The following ARHGAP26 variants were observed in gnomAD, a reference collection of about 807,000 sequenced individuals.
The protein encoded by ARHGAP26 is rho GTPase-activating protein 26.
Under a neutral mutation model 104.8 loss-of-function variants are expected in ARHGAP26, and 38 were observed. That is an observed-to-expected ratio of 0.36 (90% CI 0.28 to 0.48). ARHGAP26 has a LOEUF of 0.48. ARHGAP26 is among the 20% of genes least tolerant of loss of function. ARHGAP26 has a pLI of 0.99. For missense variants in ARHGAP26, 704 were observed against 947.9 expected, an observed-to-expected ratio of 0.74 and a Z score of 3.38; for synonymous variants, 341 against 340.0, an observed-to-expected ratio of 1.00 and a Z score of -0.03.
At chr5:143,181,092 C>T (rs779932956) in intron 20 of ARHGAP26, among the ~76,000 whole-genome samples, 3 of 152,240 alleles carry the variant, frequency 2.0e-5, no homozygotes, top group Non-Finnish European at 2.9e-5. Flanking sequence ...CTGCCACCAC[C>T]TCAGCCCAAG....
At chr5:143,079,191 A>G (rs575420224) in intron 17 of ARHGAP26, among the ~76,000 whole-genome samples, 11 of 152,356 alleles carry the variant, frequency 7.2e-5, no homozygotes, top group African/African-American at 2.6e-4. Flanking sequence ...TGGAAATGGT[A>G]GAGGGATGGG....
intron 14 of ARHGAP26, among the ~76,000 whole-genome samples, chr5:143,043,938 A>G (rs1001485719): frequency 6.6e-6 from 1 of 152,222 alleles, no homozygotes; most frequent in Non-Finnish European, 1.5e-5. Flanking sequence ...TGGCTACAGC[A>G]AAGGGTATTG....
chr5:143,216,181 C>T (rs1810325443), intron 22 of ARHGAP26: 1 of 470,946 alleles, frequency 2.1e-6, no homozygotes, highest in African/African-American at 2.0e-5. Context: ...TCCTTTTTTT[C>T]CCCAGCAGAG....
At chr5:142,867,659 A>C (rs1165543498) in intron 1 of ARHGAP26, among the ~76,000 whole-genome samples, 1 of 152,080 alleles carries the variant, frequency 6.6e-6, no homozygotes, top group Non-Finnish European at 1.5e-5. Context: ...TATGTAGCTC[A>C]TTTCTCCAGC....
chr5:142,777,247 A>G (rs1756508231), intron 1 of ARHGAP26, among the ~76,000 whole-genome samples: 1 of 152,184 alleles, frequency 6.6e-6, no homozygotes, highest in Admixed American at 6.6e-5. Flanking sequence ...AGGAATTAGG[A>G]AGTGGTTCTT....
chr5:142,868,349 C>A (rs1432642683), intron 1 of ARHGAP26, among the ~76,000 whole-genome samples: 2 of 152,076 alleles, frequency 1.3e-5, no homozygotes, highest in African/African-American at 4.8e-5. Context: ...GCCTCTCAGG[C>A]CTTGGGAGGG....
At chr5:143,075,618 T>C (rs1788884815) in intron 17 of ARHGAP26, among the ~76,000 whole-genome samples, 1 of 152,194 alleles carries the variant, frequency 6.6e-6, no homozygotes, top group African/African-American at 2.4e-5. Flanking sequence ...GTGATTTCTA[T>C]TTACACTAAA....
rs528981563 is a variant in ARHGAP26 at position 143,203,674 on chromosome 5, A to G, written c.1989-3524A>G. The G allele has an allele frequency of 2.0e-5, 3 of 152,346 alleles. No homozygotes were observed. In the East Asian group the frequency reaches 5.8e-4, roughly 29 times the overall value. 9.4% of individuals were successfully genotyped at this position (152,346 alleles called of 1,614,324 possible). ...ATAGCAAAGACTTGGAACCAACCCAAATGCCCATCAGTGATAGACTGGATA... is the reference window on the plus strand; with the variant it reads ...ATAGCAAAGACTTGGAACCAACCCAGATGCCCATCAGTGATAGACTGGATA... On this transcript the variant is annotated intron_variant, in intron 20 of 22. Coordinates refer to ENST00000645722, the MANE Select transcript of ARHGAP26 (RefSeq NM_001135608.3).
chr5:142,986,159 G>C (rs245726), intron 11 of ARHGAP26, among the ~76,000 whole-genome samples: 39,188 of 151,902 alleles, frequency 0.26, 5,434 homozygotes, highest in East Asian at 0.47. Context: ...CACATCCTCT[G>C]CAGCACCTGT....
At chr5:143,102,185 C>T (rs77399089) in intron 17 of ARHGAP26, among the ~76,000 whole-genome samples, 1,592 of 152,246 alleles carry the variant, frequency 0.01, 34 homozygotes, top group East Asian at 0.086. Flanking sequence ...GTACAGTGCG[C>T]GCCTGGCTGG....
intron 6 of ARHGAP26, among the ~76,000 whole-genome samples, chr5:142,900,676 A>C (rs1760193472): frequency 6.6e-6 from 1 of 152,266 alleles, no homozygotes; most frequent in East Asian, 1.9e-4. Context: ...AAGGAGAGTT[A>C]GTTAGGTGAA....
intron 1 of ARHGAP26, among the ~76,000 whole-genome samples, chr5:142,848,343 C>T (rs1353916491): frequency 2.0e-5 from 3 of 152,242 alleles, no homozygotes; most frequent in African/African-American, 7.2e-5. Flanking sequence ...CATCACTCCC[C>T]GGGGTCTTTT....
At chr5:143,062,151 G>T (rs562965761) in intron 17 of ARHGAP26, among the ~76,000 whole-genome samples, 1 of 152,314 alleles carries the variant, frequency 6.6e-6, no homozygotes, top group South Asian at 2.1e-4. Context: ...ACACAATCAA[G>T]ATATATAGGA....
chr5:142,847,094 C>T (rs537115209), intron 1 of ARHGAP26, among the ~76,000 whole-genome samples: 80 of 152,248 alleles, frequency 5.3e-4, no homozygotes, highest in African/African-American at 1.9e-3. Context: ...GGGCAAATCA[C>T]TGTGCCTCTC....
At chr5:142,802,760 C>T (rs1056850019) in intron 1 of ARHGAP26, among the ~76,000 whole-genome samples, 3 of 152,102 alleles carry the variant, frequency 2.0e-5, no homozygotes, top group African/African-American at 7.2e-5. Context: ...CTCAGGGACA[C>T]TAGAGTAGAC....
chr5:142,996,924 T>A (rs1443967904), intron 11 of ARHGAP26, among the ~76,000 whole-genome samples: 1 of 152,158 alleles, frequency 6.6e-6, no homozygotes, highest in East Asian at 1.9e-4. Context: ...TAGAGTAGGC[T>A]ATGGAACTCT....
In ARHGAP26 at chr5:143,110,208, C is replaced by G. The variant is rs372082216; in HGVS notation, c.1539-10780C>G. 4.6e-5 allele frequency among the ~76,000 whole-genome samples: 7 copies of G among 152,296 alleles called. No homozygotes were observed. The East Asian group carries it at 1.2e-3, about 25-fold the overall frequency. On this transcript the variant is annotated intron_variant, in intron 17 of 22. Coordinates refer to ENST00000645722, the MANE Select transcript of ARHGAP26 (RefSeq NM_001135608.3). ...CATGCTGGCTGTTTCATCATAGCAC[C>G]ATATATTTTCTTTGCTTATCGCCTG...
At chr5:143,192,112 A>G (rs1195640713) in intron 20 of ARHGAP26, among the ~76,000 whole-genome samples, 1 of 152,234 alleles carries the variant, frequency 6.6e-6, no homozygotes, top group Non-Finnish European at 1.5e-5. Flanking sequence ...TGTGCAAGAG[A>G]TAAAAGAGGG....
chr5:143,043,476 T>G (rs1783766851), intron 14 of ARHGAP26, among the ~76,000 whole-genome samples: 1 of 152,172 alleles, frequency 6.6e-6, no homozygotes, highest in Admixed American at 6.5e-5. Context: ...GTTTCCAGTT[T>G]GGGGCAATTA....
Sources: allele counts gnomAD v4.1 joint callset (sites outside exome capture counted in the v4.1 genomes callset), GRCh38; gene constraint gnomAD v4.1.1; transcripts MANE v1.5; gene names NCBI Gene and HGNC (gene_info 2026-07-23, HGNC 2026-07-21).